PDSS2: variants seen among roughly 807,000 people sequenced by gnomAD.
PDSS2 encodes decaprenyl diphosphate synthase subunit 2, also known as all trans-polyprenyl-diphosphate synthase PDSS2.
In PDSS2, 31 loss-of-function variants were observed where a neutral mutation model predicts 44.5. The observed-to-expected ratio is 0.70, with a 90% CI of 0.52 to 0.94. The LOEUF (loss-of-function observed/expected upper bound fraction) is 0.94, where lower values mean the gene tolerates loss of function less well. PDSS2 is among the 40% of genes least tolerant of loss of function. The probability of loss-of-function intolerance (pLI) is 0.00; values close to 1 mark genes in which losing one functional copy is unlikely to be tolerated. For missense variants in PDSS2, 452 were observed against 482.2 expected, an observed-to-expected ratio of 0.94 and a Z score of 0.59; for synonymous variants, 157 against 180.3, an observed-to-expected ratio of 0.87 and a Z score of 1.03.
chr6:107,294,224 T>C (rs1776436124), intron 2 of PDSS2, among the ~76,000 whole-genome samples: 1 of 152,058 alleles, frequency 6.6e-6, no homozygotes, highest in Non-Finnish European at 1.5e-5. Context: ...AAAGATCTGT[T>C]TCCAATGAAA....
intron 7 of PDSS2, among the ~76,000 whole-genome samples, chr6:107,180,187 C>T (rs535137194): frequency 6.6e-6 from 1 of 152,278 alleles, no homozygotes; most frequent in Admixed American, 6.5e-5. Context: ...AGGGCTCTAT[C>T]TTCGACATAA....
chr6:107,293,012 G>A (rs750334768), intron 2 of PDSS2, among the ~76,000 whole-genome samples: 32 of 152,330 alleles, frequency 2.1e-4, no homozygotes, highest in Non-Finnish European at 3.2e-4. Flanking sequence ...GGGAATACCC[G>A]TATCAATTCG....
At chr6:107,427,111 C>T (rs559503441) in intron 1 of PDSS2, among the ~76,000 whole-genome samples, 95 of 152,250 alleles carry the variant, frequency 6.2e-4, no homozygotes, top group Middle Eastern at 6.8e-3. Context: ...CCATAATTCC[C>T]ATGTGTTGTG....
At chr6:107,420,146 A>T (rs1342454169) in intron 1 of PDSS2, among the ~76,000 whole-genome samples, 2 of 152,230 alleles carry the variant, frequency 1.3e-5, no homozygotes, top group African/African-American at 4.8e-5. Flanking sequence ...GATAGCACTA[A>T]AGGAAAATAA....
intron 7 of PDSS2, among the ~76,000 whole-genome samples, chr6:107,181,652 G>A (rs1274687059): frequency 6.6e-6 from 1 of 151,880 alleles, no homozygotes; most frequent in Non-Finnish European, 1.5e-5. Flanking sequence ...CACTTTGGGA[G>A]GCTGAGGCCG....
chr6:107,404,831 G>C (rs1313024344), intron 1 of PDSS2, among the ~76,000 whole-genome samples: 1 of 151,908 alleles, frequency 6.6e-6, no homozygotes. Context: ...CTGAGGGAGA[G>C]GAAAAAGAAA....
chr6:107,164,574 C>T (rs1236780974), intron 7 of PDSS2, among the ~76,000 whole-genome samples: 3 of 152,114 alleles, frequency 2.0e-5, no homozygotes, highest in African/African-American at 7.2e-5. Flanking sequence ...CATTGATGGA[C>T]ATTTGGGTTG....
intron 3 of PDSS2, among the ~76,000 whole-genome samples, chr6:107,265,871 C>A (rs569708100): frequency 6.6e-6 from 1 of 152,136 alleles, no homozygotes; most frequent in African/African-American, 2.4e-5. Context: ...ACCCGAGAGG[C>A]GGAGGTTGCA....
chr6:107,270,067 C>T (rs935139198), intron 3 of PDSS2, among the ~76,000 whole-genome samples: 1 of 152,060 alleles, frequency 6.6e-6, no homozygotes, highest in Non-Finnish European at 1.5e-5. Context: ...CAACGACAGA[C>T]AACAAAGAGA....
At chr6:107,394,014 G>A (rs1779862211) in intron 1 of PDSS2, among the ~76,000 whole-genome samples, 2 of 152,108 alleles carry the variant, frequency 1.3e-5, no homozygotes, top group African/African-American at 4.8e-5. Flanking sequence ...GAAAATCTTT[G>A]CTTTTTATCT....
intron 6 of PDSS2, among the ~76,000 whole-genome samples, chr6:107,206,409 T>C (rs62428032): frequency 0.24 from 35,862 of 152,100 alleles, 5,154 homozygotes; most frequent in East Asian, 0.49. Context: ...TTATAATGCA[T>C]CTCTTGTCTA....
chr6:107,341,854 A>G (rs1024562376), intron 1 of PDSS2, among the ~76,000 whole-genome samples: 17 of 152,178 alleles, frequency 1.1e-4, no homozygotes, highest in African/African-American at 4.1e-4. Context: ...ATAATATACT[A>G]TAATGCCAGG....
intron 1 of PDSS2, among the ~76,000 whole-genome samples, chr6:107,341,568 A>G (rs1347321547): frequency 1.3e-5 from 2 of 152,158 alleles, no homozygotes; most frequent in Non-Finnish European, 2.9e-5. Context: ...AGGGAAGGGA[A>G]TCTTGGAGAA....
intron 2 of PDSS2, among the ~76,000 whole-genome samples, chr6:107,275,654 T>C (rs1383556157): frequency 6.6e-6 from 1 of 152,180 alleles, no homozygotes; most frequent in Non-Finnish European, 1.5e-5. Flanking sequence ...TATGGGTGAT[T>C]TGCTATGTAG....
intron 1 of PDSS2, among the ~76,000 whole-genome samples, chr6:107,393,342 ACT>A (rs1258978301): frequency 6.6e-6 from 1 of 152,034 alleles, no homozygotes; most frequent in African/African-American, 2.4e-5. Context: ...TTCTAATTTA[ACT>A]CTGTTTTCAG....
At chr6:107,238,205 A>G (rs1774294455) in intron 4 of PDSS2, among the ~76,000 whole-genome samples, 1 of 152,192 alleles carries the variant, frequency 6.6e-6, no homozygotes, top group African/African-American at 2.4e-5. Flanking sequence ...CTCAACACCA[A>G]CATGAGTCAG....
chr6:107,396,849 T>C (rs1278986839), intron 1 of PDSS2, among the ~76,000 whole-genome samples: 1 of 151,778 alleles, frequency 6.6e-6, no homozygotes, highest in Admixed American at 6.6e-5. Context: ...CCAACAGGCC[T>C]GGCTGATTTT....
At chr6:107,214,791 G>A (rs1299712217) in intron 4 of PDSS2, among the ~76,000 whole-genome samples, 1 of 152,214 alleles carries the variant, frequency 6.6e-6, no homozygotes, top group Non-Finnish European at 1.5e-5. Flanking sequence ...TTAACTTCAT[G>A]CAATGTTTTT....
chr6:107,237,600 G>A (rs1259875067), intron 4 of PDSS2, among the ~76,000 whole-genome samples: 1 of 150,900 alleles, frequency 6.6e-6, no homozygotes. Context: ...AGGAACATAA[G>A]CATAAAGAAA....
Sources: allele counts gnomAD v4.1 joint callset (sites outside exome capture counted in the v4.1 genomes callset), GRCh38; gene constraint gnomAD v4.1.1; transcripts MANE v1.5; gene names NCBI Gene and HGNC (gene_info 2026-07-23, HGNC 2026-07-21).